Variants in SLC6A11 observed in about 807,000 individuals in gnomAD.
The protein encoded by SLC6A11 is solute carrier family 6 member 11.
A neutral mutation model predicts 74.8 loss-of-function variants in SLC6A11; 25 were observed. That is an observed-to-expected ratio of 0.33 (90% confidence interval 0.24 to 0.47). SLC6A11 has a LOEUF of 0.47. SLC6A11 is among the 20% of genes least tolerant of loss of function. SLC6A11 has a pLI of 1.00. For missense variants in SLC6A11, 574 were observed against 837.0 expected, an observed-to-expected ratio of 0.69 and a Z score of 3.88; for synonymous variants, 330 against 330.2, an observed-to-expected ratio of 1.00 and a Z score of 0.01.
At chr3:10,912,039 C>T (rs760651018) in intron 6 of SLC6A11, 51 bp from the exon 7 acceptor site, 4 of 1,228,260 alleles carry the variant, frequency 3.3e-6, no homozygotes, top group East Asian at 2.3e-5. Context: ...GCTACCCTCT[C>T]ACCACACATC....
rs202238104 is a variant in SLC6A11, at chr3:10,817,164, C to A, written c.256+643C>A. On this transcript the variant is annotated intron_variant, in intron 1 of 13. Transcript: ENST00000254488. ...ATTGCTCTATGGTTTCCTGCCTAGTCTTTCGTCTGCTCTTAAGCCCATTTC... is the reference window on the plus strand; with the variant it reads ...ATTGCTCTATGGTTTCCTGCCTAGTATTTCGTCTGCTCTTAAGCCCATTTC... Among the ~76,000 whole-genome samples the A allele has an allele frequency of 1.2e-4, 19 of 152,336 alleles. 1 individual carries two copies. The East Asian group carries it at 3.7e-3, about 29-fold the overall frequency.
At chr3:10,842,059 G>A (rs1326867397) in intron 4 of SLC6A11, among the ~76,000 whole-genome samples, 1 of 152,196 alleles carries the variant, frequency 6.6e-6, no homozygotes, top group Non-Finnish European at 1.5e-5. Flanking sequence ...GGCAGGGTAA[G>A]CCCACAGGGC....
intron 5 of SLC6A11, among the ~76,000 whole-genome samples, chr3:10,850,533 T>C (rs1694560052): frequency 6.7e-6 from 1 of 149,580 alleles, no homozygotes; most frequent in Admixed American, 6.6e-5. Context: ...GAGGGAAGCA[T>C]TGAGGGCAGG....
At chr3:10,919,733 G>T (rs1421005161) in intron 8 of SLC6A11, among the ~76,000 whole-genome samples, 1 of 152,182 alleles carries the variant, frequency 6.6e-6, no homozygotes, top group Non-Finnish European at 1.5e-5. Context: ...TCAATCGCTG[G>T]GCACCTATTC....
intron 4 of SLC6A11, among the ~76,000 whole-genome samples, chr3:10,840,446 C>T (rs1013858063): frequency 6.6e-6 from 1 of 152,254 alleles, no homozygotes; most frequent in African/African-American, 2.4e-5. Context: ...ACCCTCTCCA[C>T]ATGCTGCTAT....
intron 6 of SLC6A11, among the ~76,000 whole-genome samples, chr3:10,888,700 G>A (rs1432236308): frequency 1.3e-5 from 2 of 152,202 alleles, no homozygotes; most frequent in Non-Finnish European, 2.9e-5. Context: ...ATGTTGCCAC[G>A]GCAGGGGCTG....
At position 10,816,589 on chromosome 3, in the gene SLC6A11, A is replaced by T; in HGVS notation, c.256+68A>T. On this transcript the variant is annotated intron_variant, in intron 1 of 13. Transcript: ENST00000254488. This position sits in a 1 kb window ranked among gnomAD's most constrained non-coding sequence, Gnocchi z 4.2. The stretch of plus-strand genomic sequence containing the variant: ...CGGTGGGGGCGGGGAGCCAGGGGCG[A>T]GCGCGAGACCCCCTCCCGCGCCTGC... The T allele has an allele frequency of 7.0e-7, 1 of 1,424,416 alleles. No individual in the cohort carries two copies. The highest frequency in any genetic ancestry group is 1.4e-5 in the South Asian group (1 of 69,066). The allele number at this position is 1,424,416 out of a possible 1,614,324, so 88.2% of individuals were successfully genotyped here.
At chr3:10,826,590 A>G (rs1245277850) in intron 4 of SLC6A11, among the ~76,000 whole-genome samples, 1 of 152,212 alleles carries the variant, frequency 6.6e-6, no homozygotes, top group African/African-American at 2.4e-5. Context: ...GTATTCCCCA[A>G]TAGACAGTCA....
At chr3:10,902,517 G>T (rs1695252969) in intron 6 of SLC6A11, among the ~76,000 whole-genome samples, 1 of 152,198 alleles carries the variant, frequency 6.6e-6, no homozygotes, top group Non-Finnish European at 1.5e-5. Flanking sequence ...AGATTAAAGG[G>T]ATGGTACCAG....
chr3:10,855,341 T>C (rs189223939), intron 5 of SLC6A11, among the ~76,000 whole-genome samples: 2 of 152,318 alleles, frequency 1.3e-5, no homozygotes, highest in Non-Finnish European at 2.9e-5. Flanking sequence ...CCAGAGCAAC[T>C]TTCTGCCTCT....
At chr3:10,817,216 G>C (rs915844163) in intron 1 of SLC6A11, among the ~76,000 whole-genome samples, 1 of 152,272 alleles carries the variant, frequency 6.6e-6, no homozygotes, top group South Asian at 2.1e-4. Context: ...GGCCCCTCTG[G>C]TGGAAGAATT....
intron 4 of SLC6A11, among the ~76,000 whole-genome samples, chr3:10,843,747 G>A (rs972113253): frequency 6.6e-6 from 1 of 152,166 alleles, no homozygotes; most frequent in Admixed American, 6.5e-5. Flanking sequence ...GAGAAGAGAC[G>A]ATGGAGAACC....
rs756630575 is a variant in SLC6A11 at position 10,918,005 on chromosome 3, C to T, written c.996-324C>T. On this transcript the variant is annotated intron_variant, in intron 7 of 13. Transcript: ENST00000254488. This position sits in a 1 kb window ranked among gnomAD's most constrained non-coding sequence, Gnocchi z 4.5. ...CCCAGCCTTTCTCTCCTACCAGGGA[C>T]TTGGAGGAGCGTCGGTGTGTTTCAG... Among the ~76,000 whole-genome samples the T allele has an allele frequency of 2.6e-5, 4 of 152,224 alleles. No homozygotes were observed. Among genetic ancestry groups the T allele is most frequent in the Non-Finnish European group, 5.9e-5 (4 of 68,034 alleles).
chr3:10,864,287 C>A (rs986419900), intron 5 of SLC6A11, among the ~76,000 whole-genome samples: 4 of 151,376 alleles, frequency 2.6e-5, no homozygotes, highest in African/African-American at 7.3e-5. Flanking sequence ...GATTTCTTAC[C>A]CCAGCCCCGA....
At chr3:10,905,652 C>T (rs1695293359) in intron 6 of SLC6A11, among the ~76,000 whole-genome samples, 3 of 152,190 alleles carry the variant, frequency 2.0e-5, no homozygotes, top group South Asian at 4.1e-4. Flanking sequence ...GCAAGGATGA[C>T]ATTTGGAGCC....
At chr3:10,906,491 A>G (rs1345064063) in intron 6 of SLC6A11, among the ~76,000 whole-genome samples, 2 of 152,192 alleles carry the variant, frequency 1.3e-5, no homozygotes, top group Non-Finnish European at 1.5e-5. Context: ...AGCACCAGGA[A>G]ACCCATAAAG....
At chr3:10,836,478 A>G (rs777703217) in intron 4 of SLC6A11, among the ~76,000 whole-genome samples, 27 of 152,226 alleles carry the variant, frequency 1.8e-4, no homozygotes, top group Non-Finnish European at 3.7e-4. Context: ...GTAATATACG[A>G]GGGTTCCATT....
intron 3 of SLC6A11, 122 bp from the exon 4 acceptor site, chr3:10,823,180 G>GC (rs1694159557): frequency 7.3e-6 from 5 of 684,334 alleles, no homozygotes; most frequent in Non-Finnish European, 1.3e-5. Context: ...GCCCTTTGAC[G>GC]CATGTTTACC....
intron 6 of SLC6A11, among the ~76,000 whole-genome samples, chr3:10,908,832 C>A (rs1446895589): frequency 6.8e-6 from 1 of 148,102 alleles, no homozygotes; most frequent in Non-Finnish European, 1.5e-5. Context: ...CTCATACCCT[C>A]TGGGTTTTTC....
Sources: allele counts gnomAD v4.1 joint callset (sites outside exome capture counted in the v4.1 genomes callset), GRCh38; gene constraint gnomAD v4.1.1; non-coding constraint Gnocchi (gnomAD v3.1); transcripts MANE v1.5; gene names NCBI Gene and HGNC (gene_info 2026-07-23, HGNC 2026-07-21).